The following SLC30A8 variants were observed in gnomAD, a reference collection of about 807,000 sequenced individuals.
SLC30A8 encodes the protein solute carrier family 30 member 8, also known as proton-coupled zinc antiporter SLC30A8.
In SLC30A8, 27 loss-of-function variants were observed where a neutral mutation model predicts 36.9. The observed-to-expected ratio is 0.73, with a 90% CI of 0.54 to 1.01. The LOEUF (loss-of-function observed/expected upper bound fraction) is 1.01, where lower values mean the gene tolerates loss of function less well. SLC30A8 is among the 50% of genes least tolerant of loss of function. The pLI is 0.00. For synonymous variants in SLC30A8, 164 were observed against 172.4 expected (o/e 0.95, Z 0.38); for missense variants, 439 against 452.0 (o/e 0.97, Z 0.26).
At chr8:117,124,517 T>C (rs1820818520) in intron 2 of SLC30A8, among the ~76,000 whole-genome samples, 3 of 151,816 alleles carry the variant, frequency 2.0e-5, no homozygotes, top group Admixed American at 2.0e-4. Flanking sequence ...GGATCTCACA[T>C]TGGCATTTAA....
intron 1 of SLC30A8, among the ~76,000 whole-genome samples, chr8:116,991,464 C>A (rs896547006): frequency 6.6e-6 from 1 of 152,070 alleles, no homozygotes; most frequent in African/African-American, 2.4e-5. Flanking sequence ...GCCACCACAC[C>A]TGGGTCATTT....
At chr8:117,094,563 G>A (rs1180205362) in intron 2 of SLC30A8, among the ~76,000 whole-genome samples, 1 of 152,166 alleles carries the variant, frequency 6.6e-6, no homozygotes, top group Non-Finnish European at 1.5e-5. Flanking sequence ...GGCTGAGTTG[G>A]AGCTTTTATG....
upstream of SLC30A8, among the ~76,000 whole-genome samples, chr8:117,133,859 G>A (rs1821240339): frequency 6.6e-6 from 1 of 151,936 alleles, no homozygotes; most frequent in Non-Finnish European, 1.5e-5. Flanking sequence ...GCCTTCACTT[G>A]CAAGGAAAAG....
At chr8:117,060,965 G>C (rs542803429) in intron 2 of SLC30A8, among the ~76,000 whole-genome samples, 1 of 151,138 alleles carries the variant, frequency 6.6e-6, no homozygotes, top group Non-Finnish European at 1.5e-5. Context: ...CTTTCTCTAC[G>C]TTTGAGCAAT....
At chr8:117,078,813 G>A (rs372311487) in intron 2 of SLC30A8, among the ~76,000 whole-genome samples, 8 of 151,950 alleles carry the variant, frequency 5.3e-5, no homozygotes, top group African/African-American at 1.4e-4. Flanking sequence ...TCAATCTCCC[G>A]AGTGGCTGGG....
chr8:116,990,643 C>T (rs1384179935), intron 1 of SLC30A8, among the ~76,000 whole-genome samples: 5 of 151,862 alleles, frequency 3.3e-5, no homozygotes, highest in African/African-American at 7.3e-5. Flanking sequence ...TGTGGTGTCT[C>T]GGAATGGAAA....
At position 117,163,454 on chromosome 8, in the gene SLC30A8, C is replaced by T. The variant is rs1476200910; in HGVS notation, c.753C>T (p.Cys251=). The stretch of plus-strand genomic sequence containing the variant: ...AGTATAAAATAGCCGACCCAATCTG[C>T]ACATTCATCTTTTCCATCCTGGTCT... ...KPEYKIADPI[C]TFIFSILVLA... Residue 251 remains cysteine, a synonymous_variant, in exon 6 of 8, where the codon TGC becomes TGT. Transcript: ENST00000456015. 6.2e-7 allele frequency: 1 copy of T among 1,613,288 alleles called. No homozygotes were observed. The highest frequency in any genetic ancestry group is 8.5e-7 in the Non-Finnish European group (1 of 1,179,656).
rs548513164 is a variant in SLC30A8 at position 117,170,048 on chromosome 8, C to T, written c.830-986C>T. On this transcript the variant is annotated intron_variant, in intron 6 of 7. Coordinates refer to ENST00000456015, the MANE Select transcript of SLC30A8 (RefSeq NM_173851.3). The stretch of plus-strand genomic sequence containing the variant: ...ACTGCAAAGCAGAGCTGCTCAGTGG[C>T]TCATGAATGTTGGTGCAGTGGTTCT... Among the ~76,000 whole-genome samples the T allele has an allele frequency of 2.6e-5, 4 of 152,278 alleles. No homozygotes were observed. In the South Asian group the frequency reaches 8.3e-4, roughly 32 times the overall value.
At chr8:117,162,412 C>T (rs1196917481) in intron 5 of SLC30A8, among the ~76,000 whole-genome samples, 1 of 151,988 alleles carries the variant, frequency 6.6e-6, no homozygotes, top group African/African-American at 2.4e-5. Context: ...CCAGTATTGC[C>T]CACAATGGGG....
At chr8:117,008,035 A>G (rs1001147649) in intron 1 of SLC30A8, among the ~76,000 whole-genome samples, 4 of 152,186 alleles carry the variant, frequency 2.6e-5, no homozygotes, top group African/African-American at 9.6e-5. Context: ...ATTAGGGGAA[A>G]TGAGCAACCG....
At chr8:117,083,953 C>T (rs1326458177) in intron 2 of SLC30A8, among the ~76,000 whole-genome samples, 2 of 152,110 alleles carry the variant, frequency 1.3e-5, no homozygotes, top group Non-Finnish European at 2.9e-5. Context: ...TGATTTCAGG[C>T]TACTTTCAAG....
In SLC30A8 at chr8:117,150,347, G is replaced by A. The variant is rs150528752; in HGVS notation, c.272-2597G>A. 3.2e-4 allele frequency among the ~76,000 whole-genome samples: 48 copies of A among 152,262 alleles called. 1 individual carries two copies. The highest frequency in any genetic ancestry group is 6.8e-3 in the Middle Eastern group (2 of 294). On this transcript the variant is annotated intron_variant, in intron 2 of 7. Coordinates refer to ENST00000456015, the MANE Select transcript of SLC30A8 (RefSeq NM_173851.3). Reference sequence around the variant, plus strand: ...AAGTCTGTGTTCTCCATGGAAACCCGCATGGGGAATTAACACCATCTCAGT... The same window carrying A: ...AAGTCTGTGTTCTCCATGGAAACCCACATGGGGAATTAACACCATCTCAGT...
intron 4 of SLC30A8, among the ~76,000 whole-genome samples, chr8:117,159,015 A>G (rs1002455470): frequency 6.6e-5 from 10 of 152,238 alleles, no homozygotes; most frequent in Admixed American, 3.9e-4. Flanking sequence ...AGGAGATCAG[A>G]GAGGAGAGAA....
chr8:117,102,560 C>A (rs1042703865), intron 2 of SLC30A8, among the ~76,000 whole-genome samples: 10 of 152,126 alleles, frequency 6.6e-5, no homozygotes, highest in African/African-American at 2.4e-4. Context: ...TATCCCAGTT[C>A]TGGACTCTAG....
At chr8:117,009,095 A>G (rs1403160673) in intron 1 of SLC30A8, among the ~76,000 whole-genome samples, 1 of 152,176 alleles carries the variant, frequency 6.6e-6, no homozygotes. Context: ...CTACTCAAGG[A>G]CTTAGTAATC....
chr8:117,164,828 T>C (rs932383052), intron 6 of SLC30A8, among the ~76,000 whole-genome samples: 1 of 152,082 alleles, frequency 6.6e-6, no homozygotes, highest in Non-Finnish European at 1.5e-5. Context: ...AGCCCCATTA[T>C]CCTTGACTAC....
At chr8:117,073,915 T>G (rs1322815250) in intron 2 of SLC30A8, among the ~76,000 whole-genome samples, 1 of 151,864 alleles carries the variant, frequency 6.6e-6, no homozygotes, top group African/African-American at 2.4e-5. Flanking sequence ...GACAGTCTAC[T>G]CATTCTGTTC....
At chr8:117,028,021 C>T (rs984677978) in intron 1 of SLC30A8, among the ~76,000 whole-genome samples, 1 of 152,162 alleles carries the variant, frequency 6.6e-6, no homozygotes, top group Non-Finnish European at 1.5e-5. Context: ...TATATTTCCT[C>T]CTCTTTCCCA....
chr8:117,053,318 A>G (rs987142983), intron 2 of SLC30A8, among the ~76,000 whole-genome samples: 1 of 152,016 alleles, frequency 6.6e-6, no homozygotes, highest in Non-Finnish European at 1.5e-5. Context: ...TTATTTTCCT[A>G]TCGTCTGGTT....
Sources: gnomAD v4.1 joint callset for allele counts (sites outside exome capture counted in the v4.1 genomes callset) on GRCh38, gnomAD v4.1.1 for gene constraint, MANE v1.5 for transcripts, NCBI Gene and HGNC (gene_info 2026-07-23, HGNC 2026-07-21) for gene names.